AOPEP: variants seen among roughly 807,000 people sequenced by gnomAD.
The protein encoded by AOPEP is aminopeptidase O (putative).
In AOPEP, 77 loss-of-function variants were observed where a neutral mutation model predicts 98.1. The observed-to-expected ratio is 0.78, with a 90% CI of 0.65 to 0.95. The LOEUF (loss-of-function observed/expected upper bound fraction) is 0.95, where lower values mean the gene tolerates loss of function less well. Among genes scored for constraint, AOPEP ranks in the 40% least tolerant of loss-of-function variants. The pLI, the probability that AOPEP is intolerant of heterozygous loss-of-function variation, is 0.00. For synonymous variants in AOPEP, 346 were observed against 365.3 expected (o/e 0.95, Z 0.60); for missense variants, 1,024 against 1,024.7 (o/e 1.00, Z 0.01).
intron 13 of AOPEP, among the ~76,000 whole-genome samples, chr9:95,036,702 C>CATTTTTTT (rs2064857894): frequency 7.4e-6 from 1 of 135,822 alleles, no homozygotes; most frequent in Non-Finnish European, 1.6e-5. Flanking sequence ...TCTTCTTCTT[C>CATTTTTTT]TTTTTTTTTT....
chr9:95,082,508 C>G, intron 15 of AOPEP, 67 bp from the exon 16 acceptor site: 1 of 1,547,708 alleles, frequency 6.5e-7, no homozygotes, highest in Non-Finnish European at 8.8e-7. Flanking sequence ...ACAGACTGAG[C>G]TCATGTGTGC....
chr9:95,116,881 G>C, the AOPEP span, among the ~76,000 whole-genome samples: 1 of 152,198 alleles, frequency 6.6e-6, no homozygotes, highest in Non-Finnish European at 1.5e-5. Flanking sequence ...AACTTCCCCT[G>C]CATTTCCTCA....
At chr9:95,117,660 C>T in the AOPEP span, among the ~76,000 whole-genome samples, 1 of 151,234 alleles carries the variant, frequency 6.6e-6, no homozygotes, top group African/African-American at 2.4e-5. Context: ...CCCAATTATA[C>T]AAATAAATCT....
chr9:95,087,482 CAAAA>C (rs746666179), downstream of AOPEP, among the ~76,000 whole-genome samples: 1,395 of 37,214 alleles, frequency 0.037, 6 homozygotes, highest in African/African-American at 0.15. Flanking sequence ...GACTCCATCT[CAAAA>C]AAAAAAAAAA....
chr9:94,747,455 T>C (rs1417193624), intron 1 of AOPEP, among the ~76,000 whole-genome samples: 1 of 152,196 alleles, frequency 6.6e-6, no homozygotes, highest in Non-Finnish European at 1.5e-5. Flanking sequence ...ACTCTGAATA[T>C]GCTGGTACTT....
chr9:94,803,099 T>A (rs1564163931), intron 5 of AOPEP, among the ~76,000 whole-genome samples: 1 of 152,148 alleles, frequency 6.6e-6, no homozygotes, highest in Admixed American at 6.5e-5. Flanking sequence ...GTCAACTTCA[T>A]ACCCTAAACA....
chr9:95,096,473 G>A, the AOPEP span, among the ~76,000 whole-genome samples: 3 of 152,194 alleles, frequency 2.0e-5, no homozygotes, highest in Non-Finnish European at 4.4e-5. Flanking sequence ...CACCTGGGAT[G>A]TGGTAAGCAG....
intron 7 of AOPEP, among the ~76,000 whole-genome samples, chr9:94,951,141 C>A (rs1257190241): frequency 6.6e-6 from 1 of 152,244 alleles, no homozygotes; most frequent in African/African-American, 2.4e-5. Context: ...GTAACTTGAT[C>A]TCTCACATTC....
intron 13 of AOPEP, among the ~76,000 whole-genome samples, chr9:95,025,038 T>A (rs1378165660): frequency 6.6e-6 from 1 of 152,208 alleles, no homozygotes. Context: ...ATCATATAAT[T>A]TATAAAAATC....
the AOPEP span, among the ~76,000 whole-genome samples, chr9:95,148,827 T>C: frequency 1.3e-5 from 2 of 152,358 alleles, no homozygotes; most frequent in East Asian, 3.9e-4. Context: ...ACATTGCAAC[T>C]ACCCTTTAAA....
At chr9:95,083,783 A>G (rs187399340) in intron 16 of AOPEP, among the ~76,000 whole-genome samples, 2 of 152,368 alleles carry the variant, frequency 1.3e-5, no homozygotes, top group East Asian at 3.9e-4. Context: ...TATGGCCTCC[A>G]TGACCCTGTG....
At chr9:95,001,810 CT>C (rs1169767674) in intron 11 of AOPEP, among the ~76,000 whole-genome samples, 1 of 152,102 alleles carries the variant, frequency 6.6e-6, no homozygotes, top group Non-Finnish European at 1.5e-5. Flanking sequence ...CAGGATCTCA[CT>C]CTGTTGCCCA....
intron 1 of AOPEP, among the ~76,000 whole-genome samples, chr9:94,749,713 C>T (rs1393236815): frequency 1.3e-5 from 2 of 152,022 alleles, no homozygotes; most frequent in African/African-American, 4.8e-5. Context: ...ATTTTCTTTT[C>T]CTTTTCAAAA....
the AOPEP span, among the ~76,000 whole-genome samples, chr9:95,140,085 C>G: frequency 6.6e-6 from 1 of 151,968 alleles, no homozygotes; most frequent in East Asian, 1.9e-4. Context: ...CCCCAAATCC[C>G]TACCTAATAA....
At chr9:94,814,655 T>C (rs980637902) in intron 5 of AOPEP, among the ~76,000 whole-genome samples, 7 of 152,196 alleles carry the variant, frequency 4.6e-5, no homozygotes, top group African/African-American at 1.4e-4. Flanking sequence ...CTGGGTAATA[T>C]TAGTTCCAGG....
chr9:95,101,469 G>C, the AOPEP span: 1 of 575,400 alleles, frequency 1.7e-6, no homozygotes, highest in African/African-American at 1.9e-5. Flanking sequence ...GGCACCAGGA[G>C]TACCGAAGGC....
chr9:95,042,484 T>C (rs1265747281), intron 13 of AOPEP, among the ~76,000 whole-genome samples: 1 of 152,238 alleles, frequency 6.6e-6, no homozygotes, highest in Admixed American at 6.5e-5. Context: ...CTTAACAAAT[T>C]ACTACAAATA....
intron 2 of AOPEP, among the ~76,000 whole-genome samples, chr9:94,768,337 A>G (rs1184721165): frequency 6.6e-6 from 1 of 152,176 alleles, no homozygotes; most frequent in Non-Finnish European, 1.5e-5. Context: ...TGGAACTTAA[A>G]ACATTTTTAA....
chr9:94,918,817 C>A (rs537304534), intron 5 of AOPEP, among the ~76,000 whole-genome samples: 1 of 152,150 alleles, frequency 6.6e-6, no homozygotes, highest in South Asian at 2.1e-4. Flanking sequence ...GAATGTGGCC[C>A]TGGGGCTTTC....
Sources: allele counts gnomAD v4.1 joint callset (sites outside exome capture counted in the v4.1 genomes callset), GRCh38; gene constraint gnomAD v4.1.1; transcripts MANE v1.5; gene names NCBI Gene and HGNC (gene_info 2026-07-23, HGNC 2026-07-21).